The following MTUS2 variants were observed in gnomAD, a reference collection of about 807,000 sequenced individuals.
MTUS2 encodes the protein microtubule associated scaffold protein 2, also known as microtubule-associated tumor suppressor candidate 2.
Under a neutral mutation model 114.1 loss-of-function variants are expected in MTUS2, and 40 were observed. That is an observed-to-expected ratio of 0.35 (90% CI 0.27 to 0.46). The LOEUF is 0.46. Among genes scored for constraint, MTUS2 ranks in the 20% least tolerant of loss-of-function variants. The pLI is 1.00. For synonymous variants in MTUS2, 688 were observed against 672.0 expected (o/e 1.02, Z -0.37); for missense variants, 1,679 against 1,705.4 (o/e 0.98, Z 0.27).
At chr13:29,240,366 A>G (rs1896688105) in intron 5 of MTUS2, among the ~76,000 whole-genome samples, 1 of 152,242 alleles carries the variant, frequency 6.6e-6, no homozygotes, top group African/African-American at 2.4e-5. Context: ...CCCAACTGTA[A>G]GAATTCAAGC....
intron 7 of MTUS2, among the ~76,000 whole-genome samples, chr13:29,332,005 T>C (rs1284466211): frequency 1.3e-5 from 2 of 152,208 alleles, no homozygotes; most frequent in Non-Finnish European, 2.9e-5. Flanking sequence ...ATCAGGGATA[T>C]TGGCCTGAAA....
At chr13:29,182,220 C>G (rs1894036115) in intron 5 of MTUS2, among the ~76,000 whole-genome samples, 1 of 152,192 alleles carries the variant, frequency 6.6e-6, no homozygotes, top group Admixed American at 6.5e-5. Context: ...CTTTCTCACA[C>G]CCAGTATCCA....
intron 8 of MTUS2, among the ~76,000 whole-genome samples, chr13:29,420,305 T>C (rs1156823762): frequency 6.8e-6 from 1 of 146,132 alleles, no homozygotes; most frequent in African/African-American, 2.6e-5. Context: ...TGAGACAGAG[T>C]CTCACTCTGT....
chr13:29,102,721 C>T (rs6490350), intron 5 of MTUS2, among the ~76,000 whole-genome samples: 104,063 of 152,088 alleles, frequency 0.68, 36,207 homozygotes, highest in Non-Finnish European at 0.74. Context: ...CAGAAAAACC[C>T]CCCATGAATT....
chr13:29,493,230 T>C (rs1882311735), intron 12 of MTUS2, among the ~76,000 whole-genome samples: 1 of 152,190 alleles, frequency 6.6e-6, no homozygotes, highest in East Asian at 1.9e-4. Flanking sequence ...TGGTCTCAGA[T>C]GCCAGAGGAG....
At chr13:29,085,739 A>G (rs951524746) in intron 4 of MTUS2, among the ~76,000 whole-genome samples, 1 of 152,204 alleles carries the variant, frequency 6.6e-6, no homozygotes, top group Non-Finnish European at 1.5e-5. Flanking sequence ...GAATAGTGCT[A>G]TGATGAACAT....
At chr13:29,213,051 G>C (rs1895516891) in intron 5 of MTUS2, among the ~76,000 whole-genome samples, 1 of 152,062 alleles carries the variant, frequency 6.6e-6, no homozygotes. Flanking sequence ...GAAATTCCAA[G>C]GGATTTAGGA....
At chr13:29,140,587 G>A (rs1292013596) in intron 5 of MTUS2, among the ~76,000 whole-genome samples, 1 of 152,216 alleles carries the variant, frequency 6.6e-6, no homozygotes, top group East Asian at 1.9e-4. Flanking sequence ...CATTCTAAGT[G>A]ATGGTATGAG....
chr13:28,841,069 A>T (rs796821259), intron 2 of MTUS2, among the ~76,000 whole-genome samples: 85 of 152,350 alleles, frequency 5.6e-4, no homozygotes, highest in African/African-American at 2.0e-3. Flanking sequence ...AAGACGATTT[A>T]AACTTGGACT....
At chr13:28,842,035 C>T (rs1875542477) in intron 2 of MTUS2, among the ~76,000 whole-genome samples, 3 of 152,126 alleles carry the variant, frequency 2.0e-5, no homozygotes, top group African/African-American at 7.2e-5. Context: ...CCATTCCCCT[C>T]TATGTGTATG....
intron 5 of MTUS2, among the ~76,000 whole-genome samples, chr13:29,253,487 A>G (rs1474802431): frequency 6.6e-6 from 1 of 152,172 alleles, no homozygotes; most frequent in Non-Finnish European, 1.5e-5. Context: ...GGCTTTATAT[A>G]CCATTTCTAT....
At chr13:28,848,194 T>C (rs1400410101) in intron 2 of MTUS2, among the ~76,000 whole-genome samples, 1 of 152,190 alleles carries the variant, frequency 6.6e-6, no homozygotes, top group East Asian at 1.9e-4. Context: ...GTTTCTGCTT[T>C]CCAAGAATTT....
intron 1 of MTUS2, among the ~76,000 whole-genome samples, chr13:28,830,395 G>T (rs1168362550): frequency 6.6e-6 from 1 of 151,818 alleles, no homozygotes; most frequent in East Asian, 1.9e-4. Flanking sequence ...CTTGTCTGAA[G>T]AATTAAAGTA....
intron 2 of MTUS2, among the ~76,000 whole-genome samples, chr13:28,994,883 T>C (rs1380588495): frequency 6.6e-6 from 1 of 152,248 alleles, no homozygotes; most frequent in African/African-American, 2.4e-5. Context: ...TTTCTTTTGC[T>C]GTGCAGAAGC....
chr13:29,263,887 C>T (rs565877465), intron 5 of MTUS2, among the ~76,000 whole-genome samples: 1 of 152,162 alleles, frequency 6.6e-6, no homozygotes, highest in Non-Finnish European at 1.5e-5. Context: ...TCATCCCACC[C>T]CTGGCCTCCA....
chr13:29,186,331 A>T (rs1214322275), intron 5 of MTUS2, among the ~76,000 whole-genome samples: 1 of 152,268 alleles, frequency 6.6e-6, no homozygotes, highest in African/African-American at 2.4e-5. Context: ...GGAATTAAAC[A>T]CTGAATTAAA....
intron 2 of MTUS2, among the ~76,000 whole-genome samples, chr13:28,990,821 T>A (rs1411295055): frequency 6.6e-6 from 1 of 151,232 alleles, no homozygotes; most frequent in Non-Finnish European, 1.5e-5. Context: ...GCTCACTGTT[T>A]GGGTCAGCAC....
At chr13:28,921,443 A>G (rs1386278516) in intron 2 of MTUS2, among the ~76,000 whole-genome samples, 1 of 152,092 alleles carries the variant, frequency 6.6e-6, no homozygotes, top group Non-Finnish European at 1.5e-5. Flanking sequence ...CTCTTTTCAA[A>G]CAGAAGGAAG....
At chr13:29,428,775 C>T in intron 8 of MTUS2, 1 of 1,609,692 alleles carries the variant, frequency 6.2e-7, no homozygotes, top group South Asian at 1.1e-5. Context: ...TGTGCCGGTA[C>T]CTCGGCTTAG....
Sources: gnomAD v4.1 joint callset for allele counts (sites outside exome capture counted in the v4.1 genomes callset) on GRCh38, gnomAD v4.1.1 for gene constraint, MANE v1.5 for transcripts, NCBI Gene and HGNC (gene_info 2026-07-23, HGNC 2026-07-21) for gene names.